Variants in ZEB2 observed in about 807,000 individuals in gnomAD.
The protein encoded by ZEB2 is zinc finger E-box binding homeobox 2.
Under a neutral mutation model 99.9 loss-of-function variants are expected in ZEB2, and 6 were observed. That is an observed-to-expected ratio of 0.06 (90% confidence interval 0.03 to 0.12). The LOEUF is 0.12. Among genes scored for constraint, ZEB2 ranks in the 10% least tolerant of loss-of-function variants. The pLI is 1.00. For missense variants in ZEB2, 969 were observed against 1,502.8 expected (o/e 0.64, Z 5.87); for synonymous variants, 517 against 542.5 (o/e 0.95, Z 0.65).
intron 2 of ZEB2, among the ~76,000 whole-genome samples, chr2:144,472,976 CA>C (rs1240869475): frequency 6.6e-6 from 1 of 151,970 alleles, no homozygotes; most frequent in Non-Finnish European, 1.5e-5. Context: ...GGACCAAAAA[CA>C]TAGACAAGAG....
At chr2:144,408,939 G>GTT (rs3835994) in intron 4 of ZEB2, among the ~76,000 whole-genome samples, 25 of 149,906 alleles carry the variant, frequency 1.7e-4, no homozygotes, top group South Asian at 2.1e-4. Context: ...CATCAAGGCA[G>GTT]TTTTTTTTTT....
chr2:144,445,395 A>G (rs1350644188), intron 2 of ZEB2, among the ~76,000 whole-genome samples: 1 of 149,796 alleles, frequency 6.7e-6, no homozygotes, highest in African/African-American at 2.5e-5. Context: ...AGCATGAACA[A>G]ATGCTTTGAC....
At position 144,399,147 on chromosome 2, in the gene ZEB2, A is replaced by G; in HGVS notation, c.2040T>C (p.Ala680=). 6.2e-7 allele frequency: 1 copy of G among 1,614,198 alleles called. No individual in the cohort carries two copies. Among genetic ancestry groups the G allele is most frequent in the Non-Finnish European group, 8.5e-7 (1 of 1,180,024 alleles). ...TCACAAATTCCTGAGGAAGGCCCAC[A>G]GCAATGGAAATTTTCAGCAGTTCAT... ...NSDELLKISI[A]VGLPQEFVKE... is the part of the protein sequence containing the mutation. Residue 680 remains alanine (A), a synonymous_variant, in exon 8 of 10, where the codon GCT becomes GCC. Transcript: ENST00000627532. The surrounding 1 kb of genome is among the most constrained non-coding windows in gnomAD (Gnocchi z 5.6).
At chr2:144,498,598 T>A (rs1704823545) in intron 2 of ZEB2, among the ~76,000 whole-genome samples, 1 of 152,186 alleles carries the variant, frequency 6.6e-6, no homozygotes, top group Non-Finnish European at 1.5e-5. Flanking sequence ...GACCTTTCAG[T>A]TTCCTCCATT....
intron 6 of ZEB2, among the ~76,000 whole-genome samples, chr2:144,402,057 A>G (rs991723283): frequency 3.3e-5 from 5 of 152,160 alleles, no homozygotes; most frequent in African/African-American, 1.2e-4. Context: ...ACGACTTTTC[A>G]TTTTCCTTTT....
At chr2:144,517,256 T>C in intron 2 of ZEB2, 22 bp downstream of exon 2, 1 of 1,612,778 alleles carries the variant, frequency 6.2e-7, no homozygotes, top group Non-Finnish European at 8.5e-7. Flanking sequence ...CCCGGAAAAG[T>C]TTGGTTCGGG....
chr2:144,470,345 G>C (rs1461417955), intron 2 of ZEB2: 2 of 152,100 alleles, frequency 1.3e-5, no homozygotes, highest in African/African-American at 4.8e-5. Context: ...GATCACATGA[G>C]AAAAAATTTG....
At chr2:144,457,006 AC>A (rs1704129631) in intron 2 of ZEB2, among the ~76,000 whole-genome samples, 1 of 152,062 alleles carries the variant, frequency 6.6e-6, no homozygotes, top group Non-Finnish European at 1.5e-5. Flanking sequence ...CCAGAGCAGC[AC>A]CCCCCAAAGG....
intron 2 of ZEB2, among the ~76,000 whole-genome samples, chr2:144,447,733 C>T (rs771354565): frequency 2.6e-5 from 4 of 152,214 alleles, no homozygotes; most frequent in Admixed American, 1.3e-4. Flanking sequence ...GCCCTTCTGA[C>T]GGGCCCATCT....
rs914347672 is a variant in ZEB2, at chr2:144,448,788, G to A, written c.74-18762C>T. On this transcript the variant is annotated intron_variant, in intron 2 of 9. Transcript: ENST00000627532. ...ACAGCGTTCCACCATGTAAAATCAG[G>A]CCTTCATTTTGAACTTGGAAATCTC... 3 of 152,270 alleles carry A rather than the reference G, an allele frequency of 2.0e-5. No individual in the cohort carries two copies. In the South Asian group the frequency reaches 6.2e-4, roughly 32 times the overall value. 9.4% of individuals were successfully genotyped at this position (152,270 alleles called of 1,614,324 possible). A position where few individuals can be genotyped will look rare whatever the true frequency, so the allele number is the denominator to read the frequency against.
intron 2 of ZEB2, among the ~76,000 whole-genome samples, chr2:144,500,408 A>G (rs1704851137): frequency 6.6e-6 from 1 of 152,204 alleles, no homozygotes; most frequent in Non-Finnish European, 1.5e-5. Flanking sequence ...TTCTATTGTA[A>G]TTTAGTAATT....
chr2:144,425,863 T>C (rs1401064973), intron 3 of ZEB2, among the ~76,000 whole-genome samples: 1 of 152,204 alleles, frequency 6.6e-6, no homozygotes, highest in East Asian at 1.9e-4. Context: ...ATAATCATTT[T>C]ACTTAAAACA....
At chr2:144,515,290 T>C (rs999403967) in intron 2 of ZEB2, among the ~76,000 whole-genome samples, 1 of 151,990 alleles carries the variant, frequency 6.6e-6, no homozygotes, top group African/African-American at 2.4e-5. Context: ...CAACGTGCTT[T>C]AGATACTTGT....
intron 4 of ZEB2, among the ~76,000 whole-genome samples, chr2:144,416,093 G>A (rs986624588): frequency 2.6e-5 from 4 of 152,182 alleles, no homozygotes; most frequent in Non-Finnish European, 4.4e-5. Flanking sequence ...CCAGAACCGC[G>A]AACTTTCGCT....
chr2:144,407,198 C>T (rs1317194651), intron 4 of ZEB2, among the ~76,000 whole-genome samples: 3 of 152,186 alleles, frequency 2.0e-5, no homozygotes, highest in African/African-American at 7.2e-5. Context: ...GATCTCAAAC[C>T]TTTCTTTTTT....
At chr2:144,451,127 C>T (rs1704049820) in intron 2 of ZEB2, among the ~76,000 whole-genome samples, 1 of 152,208 alleles carries the variant, frequency 6.6e-6, no homozygotes, top group African/African-American at 2.4e-5. Context: ...TAAAAGAAAA[C>T]ACATTTAAAT....
chr2:144,430,050 C>T, intron 2 of ZEB2, 24 bp from the exon 3 acceptor site: 7 of 1,610,412 alleles, frequency 4.3e-6, no homozygotes, highest in Non-Finnish European at 5.9e-6. Context: ...ACAAAACACA[C>T]TCTCTAAACA....
intron 2 of ZEB2, chr2:144,513,584 T>C (rs1271329786): frequency 1.3e-5 from 20 of 1,528,462 alleles, no homozygotes; most frequent in Non-Finnish European, 1.7e-5. Flanking sequence ...CTCTGTGAGA[T>C]TTTTCAGAGG....
At chr2:144,436,517 A>T (rs1251444602) in intron 2 of ZEB2, among the ~76,000 whole-genome samples, 1 of 152,174 alleles carries the variant, frequency 6.6e-6, no homozygotes, top group Non-Finnish European at 1.5e-5. Context: ...CAGTGGAGAG[A>T]GGCCAGTTCT....
Sources: gnomAD v4.1 joint callset for allele counts (sites outside exome capture counted in the v4.1 genomes callset) on GRCh38, gnomAD v4.1.1 for gene constraint, Gnocchi (gnomAD v3.1) non-coding constraint, MANE v1.5 for transcripts, NCBI Gene and HGNC (gene_info 2026-07-23, HGNC 2026-07-21) for gene names.